NRXN2: variants seen among roughly 807,000 people sequenced by gnomAD.
NRXN2 encodes neurexin-2-beta.
A neutral mutation model predicts 128.8 loss-of-function variants in NRXN2; 29 were observed. That is an observed-to-expected ratio of 0.23 (90% CI 0.17 to 0.31). NRXN2 has a LOEUF of 0.31. NRXN2 is among the 10% of genes least tolerant of loss of function. The probability of loss-of-function intolerance (pLI) is 1.00; values close to 1 mark genes in which losing one functional copy is unlikely to be tolerated. For synonymous variants in NRXN2, 1,098 were observed against 1,075.2 expected (o/e 1.02, Z -0.41); for missense variants, 1,881 against 2,452.6 (o/e 0.77, Z 4.92).
rs561622883 is a variant in NRXN2 at position 64,623,593 on chromosome 11, G to A, written c.3848-515C>T. The stretch of plus-strand genomic sequence containing the variant: ...TGCCAGGCCAAGGTGGAGTCGGTGC[G>A]TGTGAGAGCAGAGAAGGAGGTGAGA... On this transcript the variant is annotated intron_variant, in intron 20 of 22. Transcript: ENST00000265459. This position sits in a 1 kb window ranked among gnomAD's most constrained non-coding sequence, Gnocchi z 4.9. The A allele has an allele frequency of 2.6e-4, 48 of 183,430 alleles. No homozygotes were observed. The highest frequency in any genetic ancestry group is 9.9e-4 in the African/African-American group (42 of 42,308). 11.4% of individuals were successfully genotyped at this position (183,430 alleles called of 1,614,324 possible).
At position 64,635,212 on chromosome 11, in the gene NRXN2, C is replaced by T. The variant is rs528410566; in HGVS notation, c.3585+59G>A. On this transcript the variant is annotated intron_variant, in intron 18 of 22. Coordinates refer to ENST00000265459, the MANE Select transcript of NRXN2 (RefSeq NM_015080.4). This position sits in a 1 kb window ranked among gnomAD's most constrained non-coding sequence, Gnocchi z 4.8. ...GTGCTGATCCCATGGCAATGAGGGGCTGAACTGATTTGGGAGCAGGAAGCT... is the reference window on the plus strand; with the variant it reads ...GTGCTGATCCCATGGCAATGAGGGGTTGAACTGATTTGGGAGCAGGAAGCT... 6.3e-7 allele frequency: 1 copy of T among 1,590,910 alleles called. No homozygotes were observed. The highest frequency in any genetic ancestry group is 2.2e-5 in the East Asian group (1 of 44,806).
intron 9 of NRXN2, among the ~76,000 whole-genome samples, chr11:64,663,757 C>T (rs1158503331): frequency 1.3e-5 from 2 of 152,094 alleles, no homozygotes; most frequent in Non-Finnish European, 2.9e-5. Flanking sequence ...GGCCTCTACA[C>T]CAAGATCACT....
chr11:64,705,439 C>A (rs1431626387), intron 2 of NRXN2, among the ~76,000 whole-genome samples: 1 of 151,934 alleles, frequency 6.6e-6, no homozygotes, highest in East Asian at 1.9e-4. Context: ...TGCGAGTCCC[C>A]CCTCTCTCCT....
rs529208826 is a variant in NRXN2, at chr11:64,632,864, G to A, written c.3586-2291C>T. On this transcript the variant is annotated intron_variant, in intron 18 of 22. Coordinates refer to ENST00000265459, the MANE Select transcript of NRXN2 (RefSeq NM_015080.4). This position sits in a 1 kb window ranked among gnomAD's most constrained non-coding sequence, Gnocchi z 4.2. ...CAAAATTAATTTGGCAAAGTGGAGC[G>A]ACGCTTTATTAGAAACGTCAAATTG... Among the ~76,000 whole-genome samples, 19 of 152,354 alleles carry A rather than the reference G, an allele frequency of 1.2e-4. No individual in the cohort carries two copies. Among genetic ancestry groups the A allele is most frequent in the African/African-American group, 4.3e-4 (18 of 41,574 alleles).
At chr11:64,629,321 G>A (rs1160866560) in intron 19 of NRXN2, among the ~76,000 whole-genome samples, 1 of 152,060 alleles carries the variant, frequency 6.6e-6, no homozygotes, top group Non-Finnish European at 1.5e-5. Flanking sequence ...CAGCGTTCCT[G>A]TTTCCCCTCC....
intron 2 of NRXN2, among the ~76,000 whole-genome samples, chr11:64,707,885 G>T (rs1451220611): frequency 6.6e-6 from 1 of 152,146 alleles, no homozygotes; most frequent in Non-Finnish European, 1.5e-5. Flanking sequence ...CCTGAGGTCA[G>T]GAGTTCAAGA....
At chr11:64,658,305 TG>T (rs1410376337) in intron 11 of NRXN2, among the ~76,000 whole-genome samples, 1 of 152,182 alleles carries the variant, frequency 6.6e-6, no homozygotes, top group African/African-American at 2.4e-5. Context: ...TGGGCAGACT[TG>T]GAAGTACAGA....
At position 64,635,689 on chromosome 11, in the gene NRXN2, T is replaced by C. The variant is rs2044602671; in HGVS notation, c.3404-237A>G. Among the ~76,000 whole-genome samples, 1 of 152,248 alleles carries C rather than the reference T, an allele frequency of 6.6e-6. No individual in the cohort carries two copies. Among genetic ancestry groups the C allele is most frequent in the Non-Finnish European group, 1.5e-5 (1 of 68,000 alleles). Reference sequence around the variant, plus strand: ...TAGCTGCCTCATCAAGAATGCTAGCTTTAATTACAGCAAAATAGAGAGGTA... The same window carrying C: ...TAGCTGCCTCATCAAGAATGCTAGCCTTAATTACAGCAAAATAGAGAGGTA... On this transcript the variant is annotated intron_variant, in intron 17 of 22. Transcript: ENST00000265459. This position sits in a 1 kb window ranked among gnomAD's most constrained non-coding sequence, Gnocchi z 4.8.
At chr11:64,718,939 A>C (rs1012002604) in intron 1 of NRXN2, among the ~76,000 whole-genome samples, 1 of 152,188 alleles carries the variant, frequency 6.6e-6, no homozygotes, top group African/African-American at 2.4e-5. Context: ...GCCTGGGTTC[A>C]AATGCCAGCT....
intron 19 of NRXN2, among the ~76,000 whole-genome samples, chr11:64,629,825 C>T (rs1364427179): frequency 6.6e-6 from 1 of 152,114 alleles, no homozygotes; most frequent in Non-Finnish European, 1.5e-5. Flanking sequence ...TGTCCCTCAC[C>T]GCCTTGGACA....
At chr11:64,688,296 G>A (rs373908065) in intron 5 of NRXN2, 289 of 985,310 alleles carry the variant, frequency 2.9e-4, no homozygotes, top group Non-Finnish European at 3.4e-4. Context: ...CTTTACCACC[G>A]GAGACCTGGG....
chr11:64,699,732 T>C (rs568165043), intron 2 of NRXN2, among the ~76,000 whole-genome samples: 3 of 152,318 alleles, frequency 2.0e-5, no homozygotes, highest in Admixed American at 6.5e-5. Context: ...TTAAGTAAAC[T>C]GAATCACATT....
intron 18 of NRXN2, among the ~76,000 whole-genome samples, chr11:64,633,995 T>G (rs1180398313): frequency 6.6e-6 from 1 of 152,096 alleles, no homozygotes; most frequent in Non-Finnish European, 1.5e-5. Context: ...CACACCCTGG[T>G]GTTGGGGTGG....
chr11:64,685,830 C>A lies in NRXN2; in HGVS notation c.968G>T (p.Arg323Leu). ...EITLAFRTLQRNGLMLHTGKS... is the reference protein window; with the variant it reads ...EITLAFRTLQLNGLMLHTGKS... ...GCCTGTATGCAGCATCAGGCCGTTGCGTTGCAGGGTGCGGAAGGCCAGTGT... is the reference window on the plus strand; with the variant it reads ...GCCTGTATGCAGCATCAGGCCGTTGAGTTGCAGGGTGCGGAAGGCCAGTGT... Residue 323 changes from arginine to leucine, a missense_variant, in exon 6 of 23, where the codon CGC (arginine) becomes CTC (leucine). Transcript: ENST00000265459. The A allele has an allele frequency of 1.2e-6, 2 of 1,614,188 alleles. No homozygotes were observed. Among genetic ancestry groups the A allele is most frequent in the Non-Finnish European group, 1.7e-6 (2 of 1,180,036 alleles).
chr11:64,654,995 G>A (rs1356736539), intron 11 of NRXN2, among the ~76,000 whole-genome samples: 13 of 152,200 alleles, frequency 8.5e-5, no homozygotes, highest in African/African-American at 3.1e-4. Flanking sequence ...GCCTTTCAGA[G>A]AGGGGCAGTC....
At position 64,714,448 on chromosome 11, in the gene NRXN2, G is replaced by A. The variant is rs1408262735; in HGVS notation, c.-244-505C>T. Among the ~76,000 whole-genome samples, 1 of 152,042 alleles carries A rather than the reference G, an allele frequency of 6.6e-6. No homozygotes were observed. The highest frequency in any genetic ancestry group is 6.6e-5 in the Admixed American group (1 of 15,262). On this transcript the variant is annotated intron_variant, in intron 1 of 22. Transcript: ENST00000265459. This position sits in a 1 kb window ranked among gnomAD's most constrained non-coding sequence, Gnocchi z 4.5. ...GGGATTAATTAAATGCCAATTCGTC[G>A]ATGGTATCACAGGGTAACCAGACTG...
At chr11:64,638,765 A>G (rs1220258998) in intron 17 of NRXN2, among the ~76,000 whole-genome samples, 1 of 152,216 alleles carries the variant, frequency 6.6e-6, no homozygotes, top group Non-Finnish European at 1.5e-5. Flanking sequence ...ACACACCTGA[A>G]GCCTAAGGCA....
intron 21 of NRXN2, 136 bp from the exon 22 acceptor site, chr11:64,620,508 C>T (rs2042168114): frequency 1.4e-6 from 1 of 713,358 alleles, no homozygotes; most frequent in Non-Finnish European, 2.5e-6. Context: ...GAGTCCCAGC[C>T]CTCCCATCTC....
chr11:64,646,176 C>T (rs2046623742), intron 17 of NRXN2, among the ~76,000 whole-genome samples: 1 of 152,190 alleles, frequency 6.6e-6, no homozygotes, highest in Admixed American at 6.5e-5. Flanking sequence ...CCCCAGGTTG[C>T]ACCCACCTTG....
Sources: allele counts gnomAD v4.1 joint callset (sites outside exome capture counted in the v4.1 genomes callset), GRCh38; gene constraint gnomAD v4.1.1; non-coding constraint Gnocchi (gnomAD v3.1); transcripts MANE v1.5; gene names NCBI Gene and HGNC (gene_info 2026-07-23, HGNC 2026-07-21).